NCKAP5: variants seen among roughly 807,000 people sequenced by gnomAD.
NCKAP5 encodes the protein NCK associated protein 5, also known as nck-associated protein 5.
NCKAP5 carries 92 observed loss-of-function variants against 167.0 expected under a neutral mutation model. That is an observed-to-expected ratio of 0.55 (90% CI 0.47 to 0.66). NCKAP5 has a LOEUF of 0.66. Among genes scored for constraint, NCKAP5 ranks in the 30% least tolerant of loss-of-function variants. NCKAP5 has a pLI of 0.00. For synonymous variants in NCKAP5, 891 were observed against 877.4 expected, an observed-to-expected ratio of 1.02 and a Z score of -0.27; for missense variants, 2,378 against 2,315.0, an observed-to-expected ratio of 1.03 and a Z score of -0.56.
chr2:133,427,736 TA>T (rs1689903638), intron 3 of NCKAP5, among the ~76,000 whole-genome samples: 2 of 152,140 alleles, frequency 1.3e-5, no homozygotes, highest in South Asian at 4.1e-4. Context: ...TTTAGTGATA[TA>T]AAAATATGTT....
intron 11 of NCKAP5, among the ~76,000 whole-genome samples, chr2:132,823,048 T>A (rs1198348051): frequency 6.6e-6 from 1 of 152,142 alleles, no homozygotes; most frequent in Non-Finnish European, 1.5e-5. Flanking sequence ...TCTAAGAAAT[T>A]TGTGATTTTG....
At chr2:133,281,550 A>G (rs758173743) in intron 4 of NCKAP5, among the ~76,000 whole-genome samples, 1 of 152,244 alleles carries the variant, frequency 6.6e-6, no homozygotes, top group East Asian at 1.9e-4. Flanking sequence ...GGAAATTAAC[A>G]TAAAGGAAAT....
At chr2:133,202,334 A>G (rs1284672467) in intron 5 of NCKAP5, among the ~76,000 whole-genome samples, 1 of 152,204 alleles carries the variant, frequency 6.6e-6, no homozygotes, top group Non-Finnish European at 1.5e-5. Context: ...GGCTAGCCAT[A>G]TGGAGAAAGC....
chr2:133,048,205 C>T (rs2079474694), intron 6 of NCKAP5, among the ~76,000 whole-genome samples: 1 of 152,142 alleles, frequency 6.6e-6, no homozygotes, highest in Admixed American at 6.5e-5. Flanking sequence ...CTGGATTGGA[C>T]TGGGGGAACC....
intron 8 of NCKAP5, among the ~76,000 whole-genome samples, chr2:132,940,355 C>T (rs1160958284): frequency 6.6e-6 from 1 of 152,178 alleles, no homozygotes; most frequent in African/African-American, 2.4e-5. Context: ...GGTCACCCTT[C>T]AGGGCTCAGG....
intron 6 of NCKAP5, among the ~76,000 whole-genome samples, chr2:133,101,142 C>T (rs1312195367): frequency 6.7e-6 from 1 of 149,192 alleles, no homozygotes; most frequent in Admixed American, 6.7e-5. Flanking sequence ...TTTCCCAGCA[C>T]CATTTATTAA....
chr2:133,180,546 C>T (rs1300064230), intron 5 of NCKAP5, among the ~76,000 whole-genome samples: 2 of 152,022 alleles, frequency 1.3e-5, no homozygotes, highest in African/African-American at 4.8e-5. Flanking sequence ...ACTATGTTAC[C>T]CAGGCTGGTC....
rs544785723 is a variant in NCKAP5, at chr2:133,445,515, T to A, written c.69+71943A>T. The stretch of plus-strand genomic sequence containing the variant: ...ATCAAAAATCCCAGAACCCCTGACT[T>A]CAAACTCTAAATCCTTCCCTTTACA... On this transcript the variant is annotated intron_variant, in intron 3 of 19. Coordinates refer to ENST00000409261, the MANE Select transcript of NCKAP5 (RefSeq NM_207363.3). Among the ~76,000 whole-genome samples, 4 of 152,318 alleles carry A rather than the reference T, an allele frequency of 2.6e-5. No individual in the cohort carries two copies. The East Asian group carries it at 7.7e-4, about 29-fold the overall frequency.
In NCKAP5 at chr2:133,341,937, C is replaced by A. The variant is rs575446168; in HGVS notation, c.70-38827G>T. ...TAATGAATAGAATTTTAAAAAGGAT[C>A]TAAACATTCTTTTTTTTTTGAGACG... On this transcript the variant is annotated intron_variant, in intron 3 of 19. Transcript: ENST00000409261. Among the ~76,000 whole-genome samples the A allele has an allele frequency of 2.5e-4, 38 of 152,106 alleles. 1 individual carries two copies. The highest frequency in any genetic ancestry group is 8.9e-4 in the African/African-American group (37 of 41,470).
intron 3 of NCKAP5, among the ~76,000 whole-genome samples, chr2:133,492,142 T>TTTGTGTGTGTGTG (rs1681510603): frequency 6.8e-6 from 1 of 147,438 alleles, no homozygotes; most frequent in South Asian, 2.2e-4. Context: ...CCATATCTAG[T>TTTGTGTGTGTGTG]TAGTGTGTGT....
intron 8 of NCKAP5, among the ~76,000 whole-genome samples, chr2:132,928,678 T>C (rs1366586967): frequency 6.6e-6 from 1 of 152,220 alleles, no homozygotes; most frequent in Non-Finnish European, 1.5e-5. Flanking sequence ...GTAAGGCTTA[T>C]ACACGAATTT....
At chr2:132,933,083 C>T (rs146595749) in intron 8 of NCKAP5, among the ~76,000 whole-genome samples, 5 of 152,084 alleles carry the variant, frequency 3.3e-5, no homozygotes, top group African/African-American at 9.6e-5. Context: ...TGCCACCACG[C>T]GTGGCTAATA....
chr2:132,989,559 A>G (rs2077392030), intron 7 of NCKAP5, among the ~76,000 whole-genome samples: 1 of 152,172 alleles, frequency 6.6e-6, no homozygotes, highest in Non-Finnish European at 1.5e-5. Flanking sequence ...TGCACATATG[A>G]CAATATTTCT....
chr2:133,016,084 A>G (rs934556619), intron 6 of NCKAP5, among the ~76,000 whole-genome samples: 6 of 144,118 alleles, frequency 4.2e-5, no homozygotes, highest in Admixed American at 4.1e-4. Flanking sequence ...AGAAATAGGA[A>G]GGAGAAATAA....
At chr2:133,087,424 T>C (rs990731286) in intron 6 of NCKAP5, among the ~76,000 whole-genome samples, 1 of 152,234 alleles carries the variant, frequency 6.6e-6, no homozygotes. Context: ...TAATCTCTGA[T>C]GGAGCGAGAT....
intron 3 of NCKAP5, among the ~76,000 whole-genome samples, chr2:133,417,832 G>A (rs1384814241): frequency 6.6e-6 from 1 of 152,224 alleles, no homozygotes; most frequent in Admixed American, 6.5e-5. Context: ...AATGTGACCA[G>A]CTGTCCGACA....
chr2:133,645,810 A>G, the NCKAP5 span, among the ~76,000 whole-genome samples: 2 of 152,286 alleles, frequency 1.3e-5, no homozygotes, highest in East Asian at 3.9e-4. Context: ...TTTAGATAAC[A>G]TAGCATAAAA....
At chr2:133,313,318 T>C (rs1681377656) in intron 3 of NCKAP5, among the ~76,000 whole-genome samples, 1 of 152,220 alleles carries the variant, frequency 6.6e-6, no homozygotes, top group Non-Finnish European at 1.5e-5. Flanking sequence ...TTGATTTCCC[T>C]GCCCTAGTGC....
intron 5 of NCKAP5, among the ~76,000 whole-genome samples, chr2:133,206,119 G>T (rs1365335483): frequency 6.6e-6 from 1 of 152,060 alleles, no homozygotes. Context: ...TCTGGTTATG[G>T]TTTTTAAAAG....
Sources: gnomAD v4.1 joint callset for allele counts (sites outside exome capture counted in the v4.1 genomes callset) on GRCh38, gnomAD v4.1.1 for gene constraint, MANE v1.5 for transcripts, NCBI Gene and HGNC (gene_info 2026-07-23, HGNC 2026-07-21) for gene names.